The following LRP2 variants were observed in gnomAD, a reference collection of about 807,000 sequenced individuals.
The protein encoded by LRP2 is low-density lipoprotein receptor-related protein 2.
LRP2 carries 172 observed loss-of-function variants against 531.0 expected under a neutral mutation model. The ratio of observed to expected loss-of-function variants is 0.32; its 90% CI spans 0.29 to 0.37. The LOEUF (loss-of-function observed/expected upper bound fraction) is 0.37. LRP2 is among the 10% of genes least tolerant of loss of function. The probability of loss-of-function intolerance (pLI) is 1.00; values close to 1 mark genes in which losing one functional copy is unlikely to be tolerated. For missense variants in LRP2, 5,167 were observed against 5,868.3 expected, an observed-to-expected ratio of 0.88 and a Z score of 3.90; for synonymous variants, 1,992 against 2,027.6, an observed-to-expected ratio of 0.98 and a Z score of 0.47.
chr2:169,357,284 A>ATT (rs1686015540), intron 1 of LRP2, among the ~76,000 whole-genome samples: 3 of 134,748 alleles, frequency 2.2e-5, no homozygotes, highest in African/African-American at 5.5e-5. Flanking sequence ...TTTCTTTTTT[A>ATT]TTTATTTTTA....
rs146585368 is a variant in LRP2 at position 169,349,881 on chromosome 2, G to A, written c.79+12440C>T. ...TATATACTCCAAGCTCCATCTCAGT[G>A]TCTGTTTTTGGGCAACCCAACTTGA... On this transcript the variant is annotated intron_variant, in intron 1 of 78. Transcript: ENST00000649046. Among the ~76,000 whole-genome samples, 3 of 152,312 alleles carry A rather than the reference G, an allele frequency of 2.0e-5. No homozygotes were observed. The East Asian group carries it at 5.8e-4, about 29-fold the overall frequency.
intron 44 of LRP2, among the ~76,000 whole-genome samples, chr2:169,200,830 G>A (rs967937199): frequency 1.1e-4 from 17 of 152,088 alleles, no homozygotes; most frequent in African/African-American, 1.9e-4. Context: ...ATGGGTTTAC[G>A]GAACAACCAC....
intron 1 of LRP2, among the ~76,000 whole-genome samples, chr2:169,344,299 G>A (rs113668106): frequency 6.6e-6 from 1 of 150,938 alleles, no homozygotes; most frequent in Non-Finnish European, 1.5e-5. Flanking sequence ...GCCCCAGTGT[G>A]TGATGCTCCC....
Position 169,319,221 on chromosome 2 carries a change from T to G in LRP2, c.188-337A>C, listed in dbSNP as rs573690772. Among the ~76,000 whole-genome samples the G allele has an allele frequency of 2.0e-3, 304 of 152,364 alleles. 1 individual carries two copies. The highest frequency in any genetic ancestry group is 6.9e-3 in the African/African-American group (289 of 41,588). On this transcript the variant is annotated intron_variant, in intron 2 of 78. Coordinates refer to ENST00000649046, the MANE Select transcript of LRP2 (RefSeq NM_004525.3). ...TTAACTGTGAGTTACTGTTAAACTA[T>G]TTGTTTCATAATAACTAATAGTAAA...
At chr2:169,181,352 G>A in intron 52 of LRP2, 96 bp downstream of exon 52, 3 of 1,259,506 alleles carry the variant, frequency 2.4e-6, no homozygotes, top group Non-Finnish European at 3.4e-6. Context: ...AGACAGGCCA[G>A]TTAGACAATA....
intron 1 of LRP2, among the ~76,000 whole-genome samples, chr2:169,328,852 G>C (rs1327236951): frequency 6.6e-6 from 1 of 152,210 alleles, no homozygotes; most frequent in Non-Finnish European, 1.5e-5. Flanking sequence ...GCAAATGACA[G>C]CATTTGTTCA....
At chr2:169,274,361 A>G (rs866862911) in intron 14 of LRP2, among the ~76,000 whole-genome samples, 2 of 152,318 alleles carry the variant, frequency 1.3e-5, no homozygotes, top group South Asian at 4.1e-4. Flanking sequence ...GGGCAGGAGG[A>G]TCGCTTGAAG....
At chr2:169,172,199 G>T in intron 57 of LRP2, 65 bp from the exon 58 acceptor site, 1 of 1,587,182 alleles carries the variant, frequency 6.3e-7, no homozygotes, top group Non-Finnish European at 8.6e-7. Flanking sequence ...AGTAGTATTG[G>T]CTTCCTTGTG....
intron 16 of LRP2, among the ~76,000 whole-genome samples, chr2:169,266,072 T>C (rs1490095995): frequency 6.6e-6 from 1 of 151,998 alleles, no homozygotes; most frequent in African/African-American, 2.4e-5. Context: ...CATCCTAGAA[T>C]ACTAATTGGC....
intron 4 of LRP2, among the ~76,000 whole-genome samples, chr2:169,305,230 C>T (rs892047240): frequency 1.3e-5 from 2 of 152,060 alleles, no homozygotes; most frequent in African/African-American, 4.8e-5. Context: ...GGAGAAGGGT[C>T]GTTTTTAAAA....
At chr2:169,259,306 A>C (rs956763231) in intron 16 of LRP2, 89 bp from the exon 17 acceptor site, 62 of 824,772 alleles carry the variant, frequency 7.5e-5, no homozygotes, top group Non-Finnish European at 1.2e-4. Flanking sequence ...ATTTTGTGTC[A>C]GAGTTAGAGC....
intron 54 of LRP2, 57 bp downstream of exon 54, chr2:169,176,354 G>A (rs916251596): frequency 1.2e-5 from 19 of 1,602,184 alleles, no homozygotes; most frequent in East Asian, 2.2e-5. Flanking sequence ...AGCCTTGAAG[G>A]TCAATGTCTG....
intron 33 of LRP2, among the ~76,000 whole-genome samples, chr2:169,223,590 A>G (rs1255437940): frequency 2.0e-5 from 3 of 152,180 alleles, no homozygotes; most frequent in Non-Finnish European, 4.4e-5. Context: ...AGAGGGTTAA[A>G]CCAGTCTGGA....
Position 169,247,512 on chromosome 2 carries a change from T to A in LRP2, c.2774A>T (p.His925Leu), listed in dbSNP as rs1219106610. The A allele has an allele frequency of 6.2e-7, 1 of 1,614,084 alleles. No homozygotes were observed. Among genetic ancestry groups the A allele is most frequent in the Admixed American group, 1.7e-5 (1 of 60,016 alleles). ...HPFGLAIFGE[H>L]LFFTDWRLGA... Reference sequence around the variant, plus strand: ...CAGTCTCCAGTCAGTAAAAAATAAATGCTCTGAAAAGAAACATGGGTAGAT... The same window carrying A: ...CAGTCTCCAGTCAGTAAAAAATAAAAGCTCTGAAAAGAAACATGGGTAGAT... The change falls in exon 20 of 79, where the codon CAT becomes CTT. Residue 925 changes from histidine (H) to leucine (L), a missense_variant. Coordinates refer to ENST00000649046, the MANE Select transcript of LRP2 (RefSeq NM_004525.3).
At chr2:169,353,303 C>T (rs1448008627) in intron 1 of LRP2, among the ~76,000 whole-genome samples, 1 of 152,074 alleles carries the variant, frequency 6.6e-6, no homozygotes, top group East Asian at 1.9e-4. Flanking sequence ...AACACGTAGC[C>T]CCATTTGCCC....
chr2:169,257,090 G>T (rs919084608), intron 18 of LRP2, 34 bp downstream of exon 18: 1 of 1,610,792 alleles, frequency 6.2e-7, no homozygotes, highest in South Asian at 1.1e-5. Context: ...CAGTAAAAGA[G>T]AACTAAGTAT....
At chr2:169,228,361 AT>A (rs1217598290) in intron 31 of LRP2, among the ~76,000 whole-genome samples, 1 of 152,004 alleles carries the variant, frequency 6.6e-6, no homozygotes, top group Non-Finnish European at 1.5e-5. Flanking sequence ...GTACCAAGAA[AT>A]TATATTGAGA....
At chr2:169,203,627 T>C (rs1366518387) in intron 42 of LRP2, among the ~76,000 whole-genome samples, 1 of 152,134 alleles carries the variant, frequency 6.6e-6, no homozygotes, top group African/African-American at 2.4e-5. Flanking sequence ...GGACACGTCG[T>C]GTGCCTGTAG....
intron 70 of LRP2, among the ~76,000 whole-genome samples, 167 bp from the exon 71 acceptor site, chr2:169,142,960 G>T (rs1429554597): frequency 2.0e-5 from 3 of 152,106 alleles, no homozygotes; most frequent in East Asian, 3.9e-4. Flanking sequence ...TATCATCTCT[G>T]CCACCACACT....
Sources: gnomAD v4.1 joint callset for allele counts (sites outside exome capture counted in the v4.1 genomes callset) on GRCh38, gnomAD v4.1.1 for gene constraint, MANE v1.5 for transcripts, NCBI Gene and HGNC (gene_info 2026-07-23, HGNC 2026-07-21) for gene names.